The following PRDM5 variants were observed in gnomAD, a reference collection of about 807,000 sequenced individuals.
PRDM5 encodes PR domain zinc finger protein 5.
A neutral mutation model predicts 81.2 loss-of-function variants in PRDM5; 56 were observed. The ratio of observed to expected loss-of-function variants is 0.69; its 90% CI spans 0.56 to 0.86. PRDM5 has a LOEUF of 0.86. Among genes scored for constraint, PRDM5 ranks in the 40% least tolerant of loss-of-function variants. The pLI, the probability that PRDM5 is intolerant of heterozygous loss-of-function variation, is 0.00. For synonymous variants in PRDM5, 267 were observed against 256.4 expected (o/e 1.04, Z -0.39); for missense variants, 697 against 770.1 (o/e 0.91, Z 1.12).
intron 8 of PRDM5, among the ~76,000 whole-genome samples, chr4:120,800,622 A>G (rs757794056): frequency 2.0e-5 from 3 of 152,148 alleles, no homozygotes; most frequent in Non-Finnish European, 4.4e-5. Flanking sequence ...GAATAACTCT[A>G]AAGATCTAAT....
intron 10 of PRDM5, 55 bp from the exon 11 acceptor site, chr4:120,785,146 T>C (rs966554038): frequency 1.3e-5 from 17 of 1,327,186 alleles, no homozygotes; most frequent in Admixed American, 6.7e-5. Flanking sequence ...GTCATTACAA[T>C]GAACGAGTGG....
chr4:120,702,872 T>C (rs1439233826), intron 15 of PRDM5, among the ~76,000 whole-genome samples: 1 of 152,154 alleles, frequency 6.6e-6, no homozygotes, highest in Non-Finnish European at 1.5e-5. Flanking sequence ...AATTCTTCAA[T>C]GGCTTCTTAT....
chr4:120,798,142 G>T, intron 10 of PRDM5, 125 bp downstream of exon 10: 1 of 630,158 alleles, frequency 1.6e-6, no homozygotes, highest in Non-Finnish European at 2.5e-6. Context: ...CCAGGTGAGT[G>T]ATCTTCTCTA....
intron 2 of PRDM5, among the ~76,000 whole-genome samples, chr4:120,874,939 G>C (rs1762197102): frequency 6.6e-6 from 1 of 152,136 alleles, no homozygotes; most frequent in Non-Finnish European, 1.5e-5. Context: ...GTGGTGGGAG[G>C]CTCCTGTTCT....
intron 14 of PRDM5, among the ~76,000 whole-genome samples, chr4:120,728,216 C>A (rs1739728953): frequency 6.6e-6 from 1 of 151,908 alleles, no homozygotes; most frequent in Admixed American, 6.6e-5. Flanking sequence ...ATCAAGGCCA[C>A]AAGCAATCAG....
chr4:120,866,065 G>C (rs373783129), intron 2 of PRDM5, among the ~76,000 whole-genome samples: 3 of 152,196 alleles, frequency 2.0e-5, no homozygotes, highest in African/African-American at 7.2e-5. Flanking sequence ...ACTATTGCCA[G>C]AGTACTCTTT....
intron 14 of PRDM5, among the ~76,000 whole-genome samples, chr4:120,747,236 A>G (rs1743243226): frequency 6.9e-6 from 1 of 144,616 alleles, no homozygotes; most frequent in Non-Finnish European, 1.5e-5. Context: ...TTGAACAATG[A>G]GATCACATGG....
chr4:120,688,743 A>G (rs1343442486), downstream of PRDM5, among the ~76,000 whole-genome samples: 1 of 152,090 alleles, frequency 6.6e-6, no homozygotes, highest in Non-Finnish European at 1.5e-5. Flanking sequence ...CCCACTGTGT[A>G]GTCTTAGCTC....
chr4:120,818,264 A>G (rs938951408), intron 5 of PRDM5, 89 bp downstream of exon 5: 11 of 1,426,370 alleles, frequency 7.7e-6, no homozygotes, highest in Non-Finnish European at 1.1e-5. Context: ...GTGCACACAC[A>G]CACACACAGG....
intron 3 of PRDM5, among the ~76,000 whole-genome samples, chr4:120,833,647 C>T (rs1037693342): frequency 6.6e-6 from 1 of 152,242 alleles, no homozygotes; most frequent in Non-Finnish European, 1.5e-5. Context: ...ATTATAGCCA[C>T]GGTCCATGAT....
intron 8 of PRDM5, among the ~76,000 whole-genome samples, chr4:120,807,797 C>G (rs1332362195): frequency 6.6e-6 from 1 of 152,108 alleles, no homozygotes; most frequent in Non-Finnish European, 1.5e-5. Context: ...TGCAGACTTT[C>G]ACGGTGAGTG....
chr4:120,715,776 G>A (rs1197630637), intron 14 of PRDM5, among the ~76,000 whole-genome samples: 2 of 152,208 alleles, frequency 1.3e-5, no homozygotes, highest in Non-Finnish European at 2.9e-5. Context: ...TGGCACCATG[G>A]CAGCTGCCAA....
At chr4:120,744,001 C>A (rs1171989967) in intron 14 of PRDM5, among the ~76,000 whole-genome samples, 3 of 152,026 alleles carry the variant, frequency 2.0e-5, no homozygotes, top group Non-Finnish European at 4.4e-5. Context: ...CACACCACAC[C>A]TATTCCAAAA....
At chr4:120,869,514 T>C (rs1000815017) in intron 2 of PRDM5, among the ~76,000 whole-genome samples, 1 of 152,190 alleles carries the variant, frequency 6.6e-6, no homozygotes, top group Non-Finnish European at 1.5e-5. Flanking sequence ...TCCTGACAGC[T>C]TATATAATCT....
At chr4:120,863,156 T>TAAAAA (rs66499146) in intron 2 of PRDM5, among the ~76,000 whole-genome samples, 19 of 40,100 alleles carry the variant, frequency 4.7e-4, no homozygotes, top group African/African-American at 2.2e-3. Context: ...AGACTCTGTC[T>TAAAAA]AAAAAAAAAA....
intron 2 of PRDM5, among the ~76,000 whole-genome samples, chr4:120,878,313 AG>A (rs1428315254): frequency 6.6e-6 from 1 of 152,236 alleles, no homozygotes; most frequent in African/African-American, 2.4e-5. Context: ...CAATGGGAAA[AG>A]GATAGTCTTT....
intron 10 of PRDM5, among the ~76,000 whole-genome samples, chr4:120,788,754 G>A (rs993749648): frequency 3.9e-5 from 6 of 152,180 alleles, no homozygotes; most frequent in African/African-American, 1.4e-4. Context: ...TAAAGCCAAT[G>A]ACATATTTTA....
At chr4:120,912,378 C>A (rs553725289) in intron 1 of PRDM5, among the ~76,000 whole-genome samples, 20 of 152,110 alleles carry the variant, frequency 1.3e-4, no homozygotes, top group African/African-American at 4.8e-4. Context: ...TTCCAGACTG[C>A]AGGAATTATA....
chr4:120,910,276 A>T (rs1267379891), intron 1 of PRDM5, among the ~76,000 whole-genome samples: 1 of 152,214 alleles, frequency 6.6e-6, no homozygotes, highest in Non-Finnish European at 1.5e-5. Flanking sequence ...TGGCTGCAAG[A>T]TTATAAAAAT....
Sources: gnomAD v4.1 joint callset for allele counts (sites outside exome capture counted in the v4.1 genomes callset) on GRCh38, gnomAD v4.1.1 for gene constraint, MANE v1.5 for transcripts, NCBI Gene and HGNC (gene_info 2026-07-23, HGNC 2026-07-21) for gene names.